The following XPO6 variants were observed in gnomAD, a reference collection of about 807,000 sequenced individuals.
XPO6 encodes exportin 6.
XPO6 carries 3 observed loss-of-function variants against 130.0 expected under a neutral mutation model. The ratio of observed to expected loss-of-function variants is 0.02; its 90% CI spans 0.01 to 0.06. XPO6 has a LOEUF of 0.06. XPO6 is among the 10% of genes least tolerant of loss of function. The pLI is 1.00. For missense variants in XPO6, 970 were observed against 1,393.0 expected (o/e 0.70, Z 4.83); for synonymous variants, 524 against 548.9 (o/e 0.95, Z 0.63).
rs189275813 is a variant in XPO6, at chr16:28,180,924, G to A, written c.94+17C>T. ...CCTCATTATAAATTCCTCTTTACAA[G>A]TCAATGCTCCACTTACCTATCTCAC... On this transcript the variant is annotated intron_variant, in intron 2 of 23. Coordinates refer to ENST00000304658, the MANE Select transcript of XPO6 (RefSeq NM_015171.4). 42 of 1,604,556 alleles carry A rather than the reference G, an allele frequency of 2.6e-5. No homozygotes were observed. The African/African-American group carries it at 5.1e-4, about 19-fold the overall frequency.
At chr16:28,104,508 GAGGA>G in intron 21 of XPO6, 34 bp downstream of exon 21, 1 of 1,611,884 alleles carries the variant, frequency 6.2e-7, no homozygotes, top group Non-Finnish European at 8.5e-7. Context: ...GGTCAGGTTA[GAGGA>G]AGTCACCTGG....
chr16:28,105,314 A>C (rs2086750487), intron 20 of XPO6, among the ~76,000 whole-genome samples: 8 of 152,220 alleles, frequency 5.3e-5, no homozygotes, highest in Admixed American at 5.2e-4. Flanking sequence ...GGTCAGGCTC[A>C]GCAGTGTTTT....
rs2086658910 is a variant in XPO6, at chr16:28,101,716, C to G, written c.3046-28G>C. The G allele has an allele frequency of 1.3e-6, 2 of 1,594,982 alleles. No homozygotes were observed. Among genetic ancestry groups the G allele is most frequent in the African/African-American group, 2.7e-5 (2 of 74,558 alleles). Reference sequence around the variant, plus strand: ...GCAGGCAGAGAGACCAGGTGAGCAGCAGCCAGCCCCCAGGGGCCTGTCCCG... The same window carrying G: ...GCAGGCAGAGAGACCAGGTGAGCAGGAGCCAGCCCCCAGGGGCCTGTCCCG... On this transcript the variant is annotated intron_variant, in intron 22 of 23. Coordinates refer to ENST00000304658, the MANE Select transcript of XPO6 (RefSeq NM_015171.4). The surrounding 1 kb of genome is among the most constrained non-coding windows in gnomAD (Gnocchi z 5.4).
At chr16:28,204,577 C>G (rs998034392) in intron 1 of XPO6, among the ~76,000 whole-genome samples, 1 of 152,026 alleles carries the variant, frequency 6.6e-6, no homozygotes, top group Non-Finnish European at 1.5e-5. Context: ...CACAAACCAG[C>G]TTGGATGTCA....
intron 1 of XPO6, among the ~76,000 whole-genome samples, chr16:28,203,806 G>T (rs1366470826): frequency 2.0e-5 from 3 of 152,158 alleles, no homozygotes; most frequent in Non-Finnish European, 4.4e-5. Context: ...ACACATGCAA[G>T]AACAGGCAGG....
intron 1 of XPO6, among the ~76,000 whole-genome samples, chr16:28,204,124 A>T (rs1178884516): frequency 6.6e-6 from 1 of 152,088 alleles, no homozygotes; most frequent in Non-Finnish European, 1.5e-5. Flanking sequence ...CCACAATTTA[A>T]TTGCCCACTA....
intron 1 of XPO6, among the ~76,000 whole-genome samples, chr16:28,208,813 T>C (rs1364613285): frequency 6.6e-6 from 1 of 152,246 alleles, no homozygotes; most frequent in East Asian, 1.9e-4. Flanking sequence ...ATGTGTGTCT[T>C]GTTCATCTGT....
rs200447021 is a variant in XPO6 at position 28,133,859 on chromosome 16, C to T, written c.1518G>A (p.Thr506=). The change falls in exon 11 of 24, where the codon ACG becomes ACA. Residue 506 remains threonine (T), a synonymous_variant. Transcript: ENST00000304658. The part of the protein sequence containing the change: ...VVAKVMELLP[T]HAFSTLFPVL... ...ACATTACCAGTGTGGAGAAGGCGTG[C>T]GTGGGCAGGAGCTCCATCACTTTGG... 1.3e-5 allele frequency: 21 copies of T among 1,613,994 alleles called. No individual in the cohort carries two copies. The highest frequency in any genetic ancestry group is 1.7e-5 in the Non-Finnish European group (20 of 1,179,928).
chr16:28,109,304 T>TC (rs977078061), intron 17 of XPO6, among the ~76,000 whole-genome samples: 1 of 150,522 alleles, frequency 6.6e-6, no homozygotes, highest in African/African-American at 2.4e-5. Context: ...TTCTTTTCTT[T>TC]TTTTTTTTTT....
intron 6 of XPO6, among the ~76,000 whole-genome samples, chr16:28,160,503 CCAAA>C (rs1470025790): frequency 8.6e-6 from 1 of 116,684 alleles, no homozygotes; most frequent in Non-Finnish European, 1.6e-5. Context: ...GACTCCATCA[CCAAA>C]AAAAAAAAAA....
At chr16:28,124,104 C>A (rs1156794321) in intron 13 of XPO6, among the ~76,000 whole-genome samples, 1 of 148,428 alleles carries the variant, frequency 6.7e-6, no homozygotes, top group African/African-American at 2.5e-5. Context: ...GTTGCCCAGG[C>A]TGGAGTGCAC....
chr16:28,144,848 G>A (rs948693955), intron 9 of XPO6, among the ~76,000 whole-genome samples: 1 of 152,092 alleles, frequency 6.6e-6, no homozygotes, highest in Non-Finnish European at 1.5e-5. Flanking sequence ...GCTTCCACAG[G>A]CTAAGTACCT....
intron 1 of XPO6, among the ~76,000 whole-genome samples, chr16:28,194,114 C>G (rs1355192772): frequency 6.6e-6 from 1 of 152,074 alleles, no homozygotes; most frequent in Non-Finnish European, 1.5e-5. Flanking sequence ...CAACAGTACT[C>G]CCCCTCACCA....
Position 28,156,062 on chromosome 16 carries a change from T to A in XPO6, c.1097+12A>T, listed in dbSNP as rs1186684065. 1 of 1,581,468 alleles carries A rather than the reference T, an allele frequency of 6.3e-7. No homozygotes were observed. The highest frequency in any genetic ancestry group is 8.6e-7 in the Non-Finnish European group (1 of 1,162,194). On this transcript the variant is annotated intron_variant, in intron 7 of 23. Coordinates refer to ENST00000304658, the MANE Select transcript of XPO6 (RefSeq NM_015171.4). Reference sequence around the variant, plus strand: ...TCTTGGGGCACACCAGCTCCACACTTGGTTTCATTACCTCTCATCGAGCTC... The same window carrying A: ...TCTTGGGGCACACCAGCTCCACACTAGGTTTCATTACCTCTCATCGAGCTC...
intron 1 of XPO6, among the ~76,000 whole-genome samples, chr16:28,183,990 G>A (rs571544152): frequency 6.6e-5 from 10 of 152,294 alleles, no homozygotes; most frequent in African/African-American, 2.2e-4. Context: ...CCTGGCTCCC[G>A]TTTGGCAACA....
At chr16:28,140,659 AGAGT>A (rs1185069037) in intron 9 of XPO6, among the ~76,000 whole-genome samples, 9 of 151,036 alleles carry the variant, frequency 6.0e-5, no homozygotes, top group Admixed American at 5.9e-4. Context: ...GCCTGGTGAC[AGAGT>A]GAGACCCCGT....
rs1163115395 is a variant in XPO6, at chr16:28,167,112, A to ATGG, written c.566-530_566-528dup. The ATGG allele has an allele frequency of 4.1e-6, 4 of 978,970 alleles. No homozygotes were observed. The African/African-American group carries it at 7.0e-5, about 17-fold the overall frequency. The allele number at this position is 978,970 out of a possible 1,614,324, so 60.6% of individuals were successfully genotyped here. ...CTGCTAGAGTGACTCATCCACTGCT[A>ATGG]TGGCTTCAATATATTCTGAAGCCTC... On this transcript the variant is annotated intron_variant, in intron 5 of 23. Transcript: ENST00000304658.
intron 1 of XPO6, among the ~76,000 whole-genome samples, chr16:28,196,962 T>G (rs552928915): frequency 6.6e-6 from 1 of 152,274 alleles, no homozygotes; most frequent in South Asian, 2.1e-4. Context: ...ATTACCCAGC[T>G]TCAAATACTC....
intron 13 of XPO6, among the ~76,000 whole-genome samples, chr16:28,124,467 T>C (rs189817943): frequency 2.0e-5 from 3 of 152,204 alleles, no homozygotes; most frequent in Admixed American, 2.0e-4. Flanking sequence ...TAAACCTCAG[T>C]GCAAATGGGC....
Sources: allele counts gnomAD v4.1 joint callset (sites outside exome capture counted in the v4.1 genomes callset), GRCh38; gene constraint gnomAD v4.1.1; non-coding constraint Gnocchi (gnomAD v3.1); transcripts MANE v1.5; gene names NCBI Gene and HGNC (gene_info 2026-07-23, HGNC 2026-07-21).